Variants in KCNMB2 observed in about 807,000 individuals in gnomAD.
KCNMB2 encodes calcium-activated potassium channel subunit beta-2.
A neutral mutation model predicts 24.5 loss-of-function variants in KCNMB2; 9 were observed. The observed-to-expected ratio is 0.37, with a 90% CI of 0.22 to 0.64. The LOEUF (loss-of-function observed/expected upper bound fraction) is 0.64, where lower values mean the gene tolerates loss of function less well. Among genes scored for constraint, KCNMB2 ranks in the 30% least tolerant of loss-of-function variants. The probability of loss-of-function intolerance (pLI) is 0.63; values close to 1 mark genes in which losing one functional copy is unlikely to be tolerated. For missense variants in KCNMB2, 226 were observed against 284.3 expected (o/e 0.79, Z 1.47); for synonymous variants, 109 against 104.4 (o/e 1.04, Z -0.27).
At chr3:178,713,111 T>G (rs1193305688) in intron 1 of KCNMB2, among the ~76,000 whole-genome samples, 1 of 152,178 alleles carries the variant, frequency 6.6e-6, no homozygotes, top group East Asian at 1.9e-4. Flanking sequence ...CCACGCTCAG[T>G]CTCCTCCTCA....
intron 1 of KCNMB2, among the ~76,000 whole-genome samples, chr3:178,583,582 G>A (rs1717294465): frequency 6.6e-6 from 1 of 152,110 alleles, no homozygotes; most frequent in African/African-American, 2.4e-5. Context: ...TTACAATGAT[G>A]TCCTCAAGAA....
intron 1 of KCNMB2, among the ~76,000 whole-genome samples, chr3:178,582,719 T>C (rs1248050602): frequency 6.6e-6 from 1 of 152,190 alleles, no homozygotes; most frequent in Non-Finnish European, 1.5e-5. Flanking sequence ...TCCAGAATAA[T>C]TATTTTTCTG....
At chr3:178,624,036 G>A (rs1297148214) in intron 1 of KCNMB2, among the ~76,000 whole-genome samples, 1 of 152,196 alleles carries the variant, frequency 6.6e-6, no homozygotes, top group Non-Finnish European at 1.5e-5. Flanking sequence ...CAAGTTTCAT[G>A]TGGATTAGCA....
intron 1 of KCNMB2, chr3:178,757,042 T>C (rs890161637): frequency 6.6e-6 from 1 of 151,758 alleles, no homozygotes; most frequent in Non-Finnish European, 1.5e-5. Context: ...TATATGTATA[T>C]TTCAGAGCCT....
At chr3:178,539,741 G>A (rs546430083) in intron 1 of KCNMB2, among the ~76,000 whole-genome samples, 4 of 151,834 alleles carry the variant, frequency 2.6e-5, no homozygotes, top group African/African-American at 4.8e-5. Flanking sequence ...GTGTGTGTGC[G>A]TGTGTGTGTG....
intron 1 of KCNMB2, among the ~76,000 whole-genome samples, chr3:178,748,827 T>G (rs1024000812): frequency 1.3e-5 from 2 of 152,226 alleles, no homozygotes; most frequent in Non-Finnish European, 2.9e-5. Flanking sequence ...TGGTGACCTA[T>G]GTCCACTATG....
Position 178,538,626 on chromosome 3 carries a change from A to G in KCNMB2, c.-68+1915A>G, listed in dbSNP as rs114118217. On this transcript the variant is annotated intron_variant, in intron 1 of 4. Coordinates refer to ENST00000452583, the MANE Select transcript of KCNMB2 (RefSeq NM_181361.3). Reference sequence around the variant, plus strand: ...TGTCAACAGGAGAAATTATTTTGCTATGGTTATGCTCATAACACTTTACTG... The same window carrying G: ...TGTCAACAGGAGAAATTATTTTGCTGTGGTTATGCTCATAACACTTTACTG... Among the ~76,000 whole-genome samples the G allele has an allele frequency of 5.7e-3, 868 of 152,342 alleles. 10 individuals are homozygous for G. Among genetic ancestry groups the G allele is most frequent in the African/African-American group, 0.02 (833 of 41,586 alleles).
At chr3:178,840,761 G>A (rs1054079001) in intron 4 of KCNMB2, among the ~76,000 whole-genome samples, 1 of 152,210 alleles carries the variant, frequency 6.6e-6, no homozygotes, top group Non-Finnish European at 1.5e-5. Flanking sequence ...AGAGCAGCAG[G>A]GCCCTAGGCC....
rs9820218 is a variant in KCNMB2 at position 178,706,317 on chromosome 3, C to T, written c.-67-101026C>T. Among the ~76,000 whole-genome samples the T allele has an allele frequency of 5.8e-3, 883 of 152,164 alleles. 8 individuals are homozygous for T. Among genetic ancestry groups the T allele is most frequent in the African/African-American group, 0.02 (828 of 41,520 alleles). Reference sequence around the variant, plus strand: ...ATTAAATGAGATAATGTATGCAGAACGCCTGGCACAGGGAGGACCTCCCCA... The same window carrying T: ...ATTAAATGAGATAATGTATGCAGAATGCCTGGCACAGGGAGGACCTCCCCA... On this transcript the variant is annotated intron_variant, in intron 1 of 4. Coordinates refer to ENST00000452583, the MANE Select transcript of KCNMB2 (RefSeq NM_181361.3).
At chr3:178,838,140 G>A (rs982292816) in intron 4 of KCNMB2, among the ~76,000 whole-genome samples, 9 of 152,108 alleles carry the variant, frequency 5.9e-5, no homozygotes, top group Non-Finnish European at 1.3e-4. Context: ...TTCTAAAAAT[G>A]TTAAAGAAAT....
chr3:178,782,819 G>C lies in KCNMB2; in HGVS notation c.-67-24524G>C, dbSNP rs1195599028. Among the ~76,000 whole-genome samples the C allele has an allele frequency of 9.7e-4, 147 of 151,232 alleles. 1 individual carries two copies. Among genetic ancestry groups the C allele is most frequent in the African/African-American group, 3.3e-3 (135 of 41,334 alleles). On this transcript the variant is annotated intron_variant, in intron 1 of 4. Transcript: ENST00000452583. ...AATTAGATCCCATTTGTCAATTTTG[G>C]CTTTTGTTGCCATTGCTTTTGGTGT...
At chr3:178,640,162 C>T (rs985913994) in intron 1 of KCNMB2, among the ~76,000 whole-genome samples, 10 of 152,184 alleles carry the variant, frequency 6.6e-5, no homozygotes, top group African/African-American at 2.2e-4. Context: ...GGGCACAAGA[C>T]GCTACTATCT....
intron 1 of KCNMB2, among the ~76,000 whole-genome samples, chr3:178,757,678 GAGGATATATATATGTATATA>G (rs1724168480): frequency 2.4e-5 from 1 of 41,966 alleles, no homozygotes. Flanking sequence ...ATATATCCAA[GAGGATATATATATGTATATA>G]TATCCAAGAG....
intron 1 of KCNMB2, among the ~76,000 whole-genome samples, chr3:178,801,262 C>T (rs1713764919): frequency 6.6e-6 from 1 of 151,876 alleles, no homozygotes; most frequent in Non-Finnish European, 1.5e-5. Context: ...GATTGTTACC[C>T]ATTGTATGCC....
chr3:178,839,687 G>A lies in KCNMB2; in HGVS notation c.424-2966G>A, dbSNP rs1715357971. ...GCAGGAGAGACAGCATGAGGGCCAGGGGGCTGCCAGACACTTTTAAACCAT... is the reference window on the plus strand; with the variant it reads ...GCAGGAGAGACAGCATGAGGGCCAGAGGGCTGCCAGACACTTTTAAACCAT... On this transcript the variant is annotated intron_variant, in intron 4 of 4. Coordinates refer to ENST00000452583, the MANE Select transcript of KCNMB2 (RefSeq NM_181361.3). 1.3e-5 allele frequency among the ~76,000 whole-genome samples: 2 copies of A among 152,230 alleles called. 1 individual carries two copies. Among genetic ancestry groups the A allele is most frequent in the Middle Eastern group, 6.8e-3 (2 of 294 alleles).
At chr3:178,593,672 A>C (rs1355421153) in intron 1 of KCNMB2, among the ~76,000 whole-genome samples, 2 of 151,468 alleles carry the variant, frequency 1.3e-5, no homozygotes, top group Non-Finnish European at 2.9e-5. Context: ...GAATGACCTA[A>C]TCACCTCCCG....
intron 1 of KCNMB2, among the ~76,000 whole-genome samples, chr3:178,700,720 T>C (rs1049327597): frequency 2.6e-5 from 4 of 152,212 alleles, no homozygotes; most frequent in African/African-American, 9.6e-5. Flanking sequence ...TCATTACTTT[T>C]TCCAGCTAAC....
chr3:178,607,481 G>A (rs543489126), intron 1 of KCNMB2, among the ~76,000 whole-genome samples: 1 of 152,232 alleles, frequency 6.6e-6, no homozygotes, highest in African/African-American at 2.4e-5. Context: ...CCAGATTTCA[G>A]GACTACAGAG....
chr3:178,644,684 G>C (rs1035664834), intron 1 of KCNMB2, among the ~76,000 whole-genome samples: 1 of 152,196 alleles, frequency 6.6e-6, no homozygotes, highest in Non-Finnish European at 1.5e-5. Flanking sequence ...TTCTGCCATA[G>C]ACCCATGCTT....
Sources: allele counts gnomAD v4.1 joint callset (sites outside exome capture counted in the v4.1 genomes callset), GRCh38; gene constraint gnomAD v4.1.1; transcripts MANE v1.5; gene names NCBI Gene and HGNC (gene_info 2026-07-23, HGNC 2026-07-21).